PDE1A: variants seen among roughly 807,000 people sequenced by gnomAD.
PDE1A encodes dual specificity calcium/calmodulin-dependent 3',5'-cyclic nucleotide phosphodiesterase 1A.
A neutral mutation model predicts 61.7 loss-of-function variants in PDE1A; 35 were observed. The observed-to-expected ratio is 0.57, with a 90% CI of 0.43 to 0.75. PDE1A has a LOEUF of 0.75. Among genes scored for constraint, PDE1A ranks in the 30% least tolerant of loss-of-function variants. The pLI is 0.00. For missense variants in PDE1A, 597 were observed against 630.6 expected, an observed-to-expected ratio of 0.95 and a Z score of 0.57; for synonymous variants, 232 against 213.2, an observed-to-expected ratio of 1.09 and a Z score of -0.77.
chr2:182,619,060 A>G, the PDE1A span, among the ~76,000 whole-genome samples: 1 of 150,864 alleles, frequency 6.6e-6, no homozygotes, highest in Admixed American at 6.6e-5. Context: ...TAGGCGGGTG[A>G]GCGGGGGCAG....
downstream of PDE1A, among the ~76,000 whole-genome samples, chr2:182,167,329 A>C (rs1305147981): frequency 6.6e-6 from 1 of 152,198 alleles, no homozygotes; most frequent in Non-Finnish European, 1.5e-5. Context: ...ACTGAGAAGT[A>C]ACTAAAGATC....
chr2:182,140,409 GT>G (rs1357833958), exon 15 of PDE1A: 1 of 152,106 alleles, frequency 6.6e-6, no homozygotes, highest in Non-Finnish European at 1.5e-5. Context: ...TCTCCTTTGG[GT>G]TTCCCCCAAT....
chr2:182,682,538 G>A, the PDE1A span, among the ~76,000 whole-genome samples: 1 of 152,080 alleles, frequency 6.6e-6, no homozygotes, highest in Non-Finnish European at 1.5e-5. Context: ...CCTGAGAAAG[G>A]AGCTCAGATA....
At chr2:182,503,412 G>A (rs1689214052) in intron 2 of PDE1A, among the ~76,000 whole-genome samples, 1 of 152,114 alleles carries the variant, frequency 6.6e-6, no homozygotes, top group Admixed American at 6.5e-5. Context: ...CCATCATGCA[G>A]GAAATAAAAT....
intron 1 of PDE1A, among the ~76,000 whole-genome samples, chr2:182,394,570 C>CT (rs35019955): frequency 0.74 from 111,942 of 151,916 alleles, 41,590 homozygotes; most frequent in East Asian, 0.96. Flanking sequence ...GACACTGGCT[C>CT]GAGCTGACAT....
chr2:182,285,247 G>A (rs1486720488), intron 1 of PDE1A, among the ~76,000 whole-genome samples: 1 of 152,014 alleles, frequency 6.6e-6, no homozygotes, highest in Non-Finnish European at 1.5e-5. Context: ...TTCACTTCTG[G>A]ACACTCTTCA....
At chr2:182,198,833 T>G (rs1384858333) in intron 10 of PDE1A, among the ~76,000 whole-genome samples, 1 of 151,908 alleles carries the variant, frequency 6.6e-6, no homozygotes, top group East Asian at 1.9e-4. Flanking sequence ...TGCTGTCAAA[T>G]TTTCCTCTTC....
the PDE1A span, among the ~76,000 whole-genome samples, chr2:182,669,842 G>A: frequency 5.3e-5 from 8 of 152,180 alleles, no homozygotes; most frequent in Non-Finnish European, 7.4e-5. Context: ...CTGCGTGTGC[G>A]TTCTGAGCTA....
the PDE1A span, among the ~76,000 whole-genome samples, chr2:182,690,211 G>T: frequency 6.6e-6 from 1 of 152,084 alleles, no homozygotes; most frequent in African/African-American, 2.4e-5. Flanking sequence ...ACCAAAGCCT[G>T]GCAGAGACAC....
the PDE1A span, among the ~76,000 whole-genome samples, chr2:182,704,686 T>C: frequency 7.2e-5 from 11 of 152,326 alleles, no homozygotes; most frequent in African/African-American, 2.6e-4. Context: ...ATGGCAGCAT[T>C]TTACCTTTCT....
the PDE1A span, among the ~76,000 whole-genome samples, chr2:182,544,467 T>A: frequency 1.3e-5 from 2 of 152,310 alleles, no homozygotes; most frequent in South Asian, 2.1e-4. Flanking sequence ...AAGGAAAAAG[T>A]TGTCTAAAAT....
the PDE1A span, among the ~76,000 whole-genome samples, chr2:182,531,280 TGTCAA>T: frequency 6.6e-6 from 1 of 151,368 alleles, no homozygotes; most frequent in South Asian, 2.1e-4. Flanking sequence ...AATCCTAACA[TGTCAA>T]TAATTACATT....
the PDE1A span, among the ~76,000 whole-genome samples, chr2:182,650,224 G>A: frequency 5.9e-5 from 9 of 152,214 alleles, no homozygotes; most frequent in Middle Eastern, 3.4e-3. Flanking sequence ...ATGGGAAAAC[G>A]CAAGTATTGT....
intron 1 of PDE1A, among the ~76,000 whole-genome samples, chr2:182,284,460 T>C (rs546723435): frequency 3.4e-4 from 51 of 152,214 alleles, no homozygotes; most frequent in African/African-American, 1.2e-3. Context: ...TGGAGAAGCA[T>C]TGGCTAATTT....
At chr2:182,253,270 A>G (rs1166387119) in intron 2 of PDE1A, among the ~76,000 whole-genome samples, 1 of 152,240 alleles carries the variant, frequency 6.6e-6, no homozygotes, top group Non-Finnish European at 1.5e-5. Flanking sequence ...CCTAAATGAA[A>G]GTGGCTCAAA....
intron 2 of PDE1A, among the ~76,000 whole-genome samples, chr2:182,479,895 T>C (rs1394206678): frequency 6.6e-6 from 1 of 151,910 alleles, no homozygotes; most frequent in Non-Finnish European, 1.5e-5. Context: ...AAGGACTAAG[T>C]ATGAATTCTG....
intron 1 of PDE1A, among the ~76,000 whole-genome samples, chr2:182,337,040 C>T (rs1697879565): frequency 6.7e-6 from 1 of 149,274 alleles, no homozygotes; most frequent in Non-Finnish European, 1.5e-5. Flanking sequence ...AAATAAAATA[C>T]ACATATAAAA....
chr2:182,600,097 A>G, the PDE1A span, among the ~76,000 whole-genome samples: 1 of 152,176 alleles, frequency 6.6e-6, no homozygotes, highest in Non-Finnish European at 1.5e-5. Context: ...TTAGATTTGA[A>G]CACTCTACAG....
At chr2:182,180,238 T>G (rs1684641438) in intron 13 of PDE1A, among the ~76,000 whole-genome samples, 1 of 152,172 alleles carries the variant, frequency 6.6e-6, no homozygotes, top group Non-Finnish European at 1.5e-5. Flanking sequence ...GAATTATAGA[T>G]ACATATATAA....
Sources: gnomAD v4.1 joint callset for allele counts (sites outside exome capture counted in the v4.1 genomes callset) on GRCh38, gnomAD v4.1.1 for gene constraint, MANE v1.5 for transcripts, NCBI Gene and HGNC (gene_info 2026-07-23, HGNC 2026-07-21) for gene names.